Variants in HELZ observed in about 807,000 individuals in gnomAD.
HELZ encodes the protein ATP-dependent RNA helicase with zinc finger domain.
HELZ carries 23 observed loss-of-function variants against 218.2 expected under a neutral mutation model. That is an observed-to-expected ratio of 0.11 (90% confidence interval 0.08 to 0.15). The LOEUF (loss-of-function observed/expected upper bound fraction) is 0.15, where lower values mean the gene tolerates loss of function less well. HELZ is among the 10% of genes least tolerant of loss of function. HELZ has a pLI of 1.00. For missense variants in HELZ, 1,813 were observed against 2,353.7 expected (o/e 0.77, Z 4.75); for synonymous variants, 814 against 829.4 (o/e 0.98, Z 0.32).
chr17:67,091,634 G>T lies in HELZ; in HGVS notation c.5242-4553C>A, dbSNP rs571997846. Among the ~76,000 whole-genome samples the T allele has an allele frequency of 4.6e-5, 7 of 152,234 alleles. No homozygotes were observed. The South Asian group carries it at 8.3e-4, about 18-fold the overall frequency. On this transcript the variant is annotated intron_variant, in intron 31 of 32. Coordinates refer to ENST00000358691, the MANE Select transcript of HELZ (RefSeq NM_014877.4). ...TACTGATCAACTTAACATAGCTAAAGTGGGAAAACTGGATATTATGTACAT... is the reference window on the plus strand; with the variant it reads ...TACTGATCAACTTAACATAGCTAAATTGGGAAAACTGGATATTATGTACAT...
chr17:67,126,811 C>G (rs950889094), intron 24 of HELZ, among the ~76,000 whole-genome samples: 1 of 141,800 alleles, frequency 7.1e-6, no homozygotes, highest in African/African-American at 2.5e-5. Flanking sequence ...CAGTAAAAGT[C>G]AGATTGCACC....
At chr17:67,195,358 A>G in intron 8 of HELZ, 61 bp downstream of exon 8, 2 of 963,368 alleles carry the variant, frequency 2.1e-6, no homozygotes, top group South Asian at 2.8e-5. Context: ...TCTCCCAATA[A>G]TTAATAAAAG....
intron 3 of HELZ, chr17:67,225,378 T>G (rs1033261247): frequency 6.0e-6 from 1 of 166,714 alleles, no homozygotes; most frequent in African/African-American, 2.4e-5. Flanking sequence ...CAACTCCTAC[T>G]TTTACCACGA....
At chr17:67,228,568 A>G (rs2040952917) in intron 3 of HELZ, among the ~76,000 whole-genome samples, 1 of 151,934 alleles carries the variant, frequency 6.6e-6, no homozygotes, top group African/African-American at 2.4e-5. Context: ...AAGCTGAGAC[A>G]TGAGAATTGC....
chr17:67,172,563 T>C (rs1194394997), intron 13 of HELZ, among the ~76,000 whole-genome samples: 2 of 152,210 alleles, frequency 1.3e-5, no homozygotes, highest in African/African-American at 4.8e-5. Context: ...AATCCTGTCA[T>C]ATATTTCTCA....
At chr17:67,235,084 T>C (rs2041141282) in intron 3 of HELZ, among the ~76,000 whole-genome samples, 1 of 152,208 alleles carries the variant, frequency 6.6e-6, no homozygotes, top group South Asian at 2.1e-4. Context: ...GGAACAATGT[T>C]TCCTTCATGT....
intron 3 of HELZ, among the ~76,000 whole-genome samples, chr17:67,219,347 G>T (rs1482883732): frequency 6.6e-6 from 1 of 152,160 alleles, no homozygotes; most frequent in Non-Finnish European, 1.5e-5. Flanking sequence ...AACATTTCTC[G>T]AGGGCCAGGC....
intron 3 of HELZ, among the ~76,000 whole-genome samples, chr17:67,220,849 T>TCC (rs574120008): frequency 0.085 from 9,637 of 113,788 alleles, 488 homozygotes; most frequent in African/African-American, 0.098. Flanking sequence ...TTAAGATAAC[T>TCC]CCCCCCCCCC....
chr17:67,147,766 C>T (rs2038550085), intron 20 of HELZ, among the ~76,000 whole-genome samples: 1 of 151,934 alleles, frequency 6.6e-6, no homozygotes, highest in African/African-American at 2.4e-5. Context: ...GGTCTTAAGA[C>T]CCTCCACAGA....
chr17:67,177,119 ATTAT>A (rs2039482565), intron 13 of HELZ, among the ~76,000 whole-genome samples: 1 of 151,732 alleles, frequency 6.6e-6, no homozygotes, highest in African/African-American at 2.4e-5. Flanking sequence ...ATCATGCCTG[ATTAT>A]TTAACTTTTT....
Position 67,169,409 on chromosome 17 carries a change from G to A in HELZ, c.1431-1613C>T, listed in dbSNP as rs60276061. Among the ~76,000 whole-genome samples the A allele has an allele frequency of 1.8e-3, 272 of 152,236 alleles. 1 individual carries two copies. The highest frequency in any genetic ancestry group is 6.2e-3 in the African/African-American group (258 of 41,546). On this transcript the variant is annotated intron_variant, in intron 13 of 32. Transcript: ENST00000358691. ...TCATCCCATGGTGGAAGGCAGAAGG[G>A]CACGAAAGTGTGAGCAAAAGCAATG...
chr17:67,151,394 A>G (rs1437371862), intron 17 of HELZ, among the ~76,000 whole-genome samples, 170 bp from the exon 18 acceptor site: 1 of 152,218 alleles, frequency 6.6e-6, no homozygotes, highest in Non-Finnish European at 1.5e-5. Context: ...AATTGCCACT[A>G]TAACCACTGT....
chr17:67,143,679 G>A (rs989687715), intron 21 of HELZ, among the ~76,000 whole-genome samples: 2 of 149,950 alleles, frequency 1.3e-5, no homozygotes, highest in African/African-American at 4.9e-5. Flanking sequence ...TTTTCACCTT[G>A]GCATTGAATT....
intron 23 of HELZ, among the ~76,000 whole-genome samples, chr17:67,132,830 A>G (rs541922239): frequency 1.3e-5 from 2 of 152,366 alleles, no homozygotes; most frequent in East Asian, 3.8e-4. Context: ...TATACACAGT[A>G]AGTATTCCTT....
At chr17:67,085,609 C>T (rs993200737) in intron 32 of HELZ, among the ~76,000 whole-genome samples, 12 of 151,504 alleles carry the variant, frequency 7.9e-5, no homozygotes, top group Non-Finnish European at 4.4e-5. Context: ...GCTAGCATGG[C>T]ACATACTCAA....
At chr17:67,220,604 T>A (rs1408235239) in intron 3 of HELZ, among the ~76,000 whole-genome samples, 15 of 152,072 alleles carry the variant, frequency 9.9e-5, no homozygotes, top group Non-Finnish European at 2.1e-4. Flanking sequence ...TAACTCAGCA[T>A]CTTGAGTAGC....
intron 1 of HELZ, 182 bp downstream of exon 1, chr17:67,244,966 G>A: frequency 4.1e-6 from 4 of 985,850 alleles, no homozygotes; most frequent in Non-Finnish European, 4.8e-6. Flanking sequence ...CAGCGTCCGG[G>A]CCTCGCCTCG....
Position 67,108,765 on chromosome 17 carries a change from G to T in HELZ, c.4490-39C>A, listed in dbSNP as rs1230003040. On this transcript the variant is annotated intron_variant, in intron 29 of 32. Coordinates refer to ENST00000358691, the MANE Select transcript of HELZ (RefSeq NM_014877.4). This position sits in a 1 kb window ranked among gnomAD's most constrained non-coding sequence, Gnocchi z 4.1. ...TGTGAAAAATTTTTTATGAATTTGGGGTTTCAAGTTCATTATTTAAAGTTT... is the reference window on the plus strand; with the variant it reads ...TGTGAAAAATTTTTTATGAATTTGGTGTTTCAAGTTCATTATTTAAAGTTT... The T allele has an allele frequency of 7.0e-7, 1 of 1,422,878 alleles. No individual in the cohort carries two copies. 88.1% of individuals were successfully genotyped at this position (1,422,878 alleles called of 1,614,324 possible).
chr17:67,204,720 C>T (rs1213011393), intron 5 of HELZ, among the ~76,000 whole-genome samples: 3 of 151,804 alleles, frequency 2.0e-5, no homozygotes, highest in African/African-American at 4.8e-5. Flanking sequence ...TTAGTTTGGA[C>T]GAATCTATTG....
Sources: gnomAD v4.1 joint callset for allele counts (sites outside exome capture counted in the v4.1 genomes callset) on GRCh38, gnomAD v4.1.1 for gene constraint, Gnocchi (gnomAD v3.1) non-coding constraint, MANE v1.5 for transcripts, NCBI Gene and HGNC (gene_info 2026-07-23, HGNC 2026-07-21) for gene names.